The following SMIM12 variants were observed in gnomAD, a reference collection of about 807,000 sequenced individuals.
SMIM12 encodes small integral membrane protein 12.
SMIM12 carries 5 observed loss-of-function variants against 6.3 expected under a neutral mutation model. The ratio of observed to expected loss-of-function variants is 0.80; its 90% CI spans 0.42 to 1.68. SMIM12 has a LOEUF of 1.68. Among genes scored for constraint, SMIM12 ranks in the 40% most tolerant of loss-of-function variants. The pLI, the probability that SMIM12 is intolerant of heterozygous loss-of-function variation, is 0.02. For missense variants in SMIM12, 103 were observed against 121.4 expected (o/e 0.85, Z 0.71); for synonymous variants, 51 against 48.0 (o/e 1.06, Z -0.26).
At position 34,852,038 on chromosome 1, in the gene SMIM12, A is replaced by G. The variant is rs1033631610; in HGVS notation, c.*3661T>C. Among the ~76,000 whole-genome samples the G allele has an allele frequency of 1.3e-5, 2 of 152,214 alleles. No individual in the cohort carries two copies. Among genetic ancestry groups the G allele is most frequent in the Non-Finnish European group, 2.9e-5 (2 of 68,034 alleles). Reference sequence around the variant, plus strand: ...CCCGAGCAGAGGCAAGAGCACATATACTATCTTACAGCCACCGCAACGGCT... The same window carrying G: ...CCCGAGCAGAGGCAAGAGCACATATGCTATCTTACAGCCACCGCAACGGCT... On this transcript the variant is annotated 3_prime_UTR_variant, in exon 2 of 2. Transcript: ENST00000521580.
At chr1:34,858,509 T>C (rs1638722408) in intron 1 of SMIM12, 1 of 152,226 alleles carries the variant, frequency 6.6e-6, no homozygotes, top group Non-Finnish European at 1.5e-5. Context: ...TCTGAGATTG[T>C]ACTCAGGGAT....
intron 1 of SMIM12, chr1:34,858,625 T>C (rs1638725457): frequency 6.6e-6 from 1 of 152,210 alleles, no homozygotes; most frequent in South Asian, 2.1e-4. Context: ...GTCCTCTGTA[T>C]AAGTAAATGC....
intron 1 of SMIM12, among the ~76,000 whole-genome samples, chr1:34,856,925 T>G (rs1408782871): frequency 6.6e-6 from 1 of 152,038 alleles, no homozygotes; most frequent in Non-Finnish European, 1.5e-5. Context: ...CTATCTTGGC[T>G]AAAGACGGTG....
rs1313498178 is a variant in SMIM12 at position 34,850,575 on chromosome 1, T to G, written c.*5124A>C. ...TGTATTTGTATTTTATTATTCAGAC[T>G]GGCTGCCATCCCAACTAGATAAAGG... On this transcript the variant is annotated 3_prime_UTR_variant, in exon 2 of 2. Coordinates refer to ENST00000521580, the MANE Select transcript of SMIM12 (RefSeq NM_138428.6). 6.7e-6 allele frequency: 1 copy of G among 148,298 alleles called. No homozygotes were observed. Among genetic ancestry groups the G allele is most frequent in the African/African-American group, 2.4e-5 (1 of 41,174 alleles). The allele number at this position is 148,298 out of a possible 1,614,324, so 9.2% of individuals were successfully genotyped here. A position where few individuals can be genotyped will look rare whatever the true frequency, so the allele number is the denominator to read the frequency against.
Position 34,852,789 on chromosome 1 carries a change from T to C in SMIM12, c.*2910A>G, listed in dbSNP as rs1557677028. 1 of 152,340 alleles carries C rather than the reference T, an allele frequency of 6.6e-6. No homozygotes were observed. The highest frequency in any genetic ancestry group is 1.9e-4 in the East Asian group (1 of 5,146). The allele number at this position is 152,340 out of a possible 1,614,324, so 9.4% of individuals were successfully genotyped here. On this transcript the variant is annotated 3_prime_UTR_variant, in exon 2 of 2. Transcript: ENST00000521580. ...GTCACCACTGCCCCCTTTCGGCAGG[T>C]CTATACTTTCTGCCAGCGTGGTGGC... is the stretch of plus-strand genomic sequence containing the variant.
At position 34,852,232 on chromosome 1, in the gene SMIM12, G is replaced by C. The variant is rs1056692811; in HGVS notation, c.*3467C>G. Among the ~76,000 whole-genome samples the C allele has an allele frequency of 2.6e-5, 4 of 152,128 alleles. No homozygotes were observed. The highest frequency in any genetic ancestry group is 9.7e-5 in the African/African-American group (4 of 41,428). On this transcript the variant is annotated 3_prime_UTR_variant, in exon 2 of 2. Coordinates refer to ENST00000521580, the MANE Select transcript of SMIM12 (RefSeq NM_138428.6). ...GGAGCCACCTGGATTCCCAAAGATA[G>C]GGCTCTCTCGACCAGACACCAAGTG...
At position 34,855,689 on chromosome 1, in the gene SMIM12, G is replaced by A. The variant is rs370089432; in HGVS notation, c.*10C>T. 90 of 1,612,992 alleles carry A rather than the reference G, an allele frequency of 5.6e-5. No homozygotes were observed. Among genetic ancestry groups the A allele is most frequent in the Non-Finnish European group, 7.1e-5 (84 of 1,179,084 alleles). ...ACCCACAGTAGGACCATAGGGCCCT[G>A]TGTCCTCCATTAATTCTTCTCTGGG... On this transcript the variant is annotated 3_prime_UTR_variant, in exon 2 of 2. Transcript: ENST00000521580.
Position 34,852,809 on chromosome 1 carries a change from G to A in SMIM12, c.*2890C>T, listed in dbSNP as rs1001827638. 6.6e-6 allele frequency: 1 copy of A among 152,404 alleles called. No homozygotes were observed. The highest frequency in any genetic ancestry group is 2.4e-5 in the African/African-American group (1 of 41,414). 9.4% of individuals were successfully genotyped at this position (152,404 alleles called of 1,614,324 possible). A position where few individuals can be genotyped will look rare whatever the true frequency, so the allele number is the denominator to read the frequency against. Reference sequence around the variant, plus strand: ...GCAGGTCTATACTTTCTGCCAGCGTGGTGGCTCATTTGTCACCTGACCTCT... The same window carrying A: ...GCAGGTCTATACTTTCTGCCAGCGTAGTGGCTCATTTGTCACCTGACCTCT... On this transcript the variant is annotated 3_prime_UTR_variant, in exon 2 of 2. Coordinates refer to ENST00000521580, the MANE Select transcript of SMIM12 (RefSeq NM_138428.6).
chr1:34,851,198 G>C lies in SMIM12; in HGVS notation c.*4501C>G, dbSNP rs1640921840. 6.6e-6 allele frequency: 1 copy of C among 151,894 alleles called. No homozygotes were observed. Among genetic ancestry groups the C allele is most frequent in the Middle Eastern group, 3.2e-3 (1 of 316 alleles). 9.4% of individuals were successfully genotyped at this position (151,894 alleles called of 1,614,324 possible). Reference sequence around the variant, plus strand: ...AAGTTTTAGCACAGTCTGTGACAATGTATATAAAGTTCTTAGCGTACTATG... The same window carrying C: ...AAGTTTTAGCACAGTCTGTGACAATCTATATAAAGTTCTTAGCGTACTATG... On this transcript the variant is annotated 3_prime_UTR_variant, in exon 2 of 2. Coordinates refer to ENST00000521580, the MANE Select transcript of SMIM12 (RefSeq NM_138428.6).
rs1638608758 is a variant in SMIM12 at position 34,855,384 on chromosome 1, CA to C, written c.*314del. On this transcript the variant is annotated 3_prime_UTR_variant, in exon 2 of 2. Coordinates refer to ENST00000521580, the MANE Select transcript of SMIM12 (RefSeq NM_138428.6). ...AATCCCAGCCATTCCCACTAGAGGC[CA>C]AACCGCCTGCCCACAGAGATTGACA... 1 of 1,477,522 alleles carries C rather than the reference CA, an allele frequency of 6.8e-7. No homozygotes were observed. The highest frequency in any genetic ancestry group is 9.1e-7 in the Non-Finnish European group (1 of 1,093,172). The allele number at this position is 1,477,522 out of a possible 1,614,324, so 91.5% of individuals were successfully genotyped here. A position where few individuals can be genotyped will look rare whatever the true frequency, so the allele number is the denominator to read the frequency against.
rs1638614020 is a variant in SMIM12, at chr1:34,855,443, A to C, written c.*256T>G. The C allele has an allele frequency of 7.0e-6, 11 of 1,574,954 alleles. No homozygotes were observed. Among genetic ancestry groups the C allele is most frequent in the Non-Finnish European group, 9.5e-6 (11 of 1,155,128 alleles). On this transcript the variant is annotated 3_prime_UTR_variant, in exon 2 of 2. Coordinates refer to ENST00000521580, the MANE Select transcript of SMIM12 (RefSeq NM_138428.6). ...TTCATCTCATAACTCTCCTCCCAGCAGTGCACCAGTAAACTCAGATGCCTG... is the reference window on the plus strand; with the variant it reads ...TTCATCTCATAACTCTCCTCCCAGCCGTGCACCAGTAAACTCAGATGCCTG...
intron 1 of SMIM12, chr1:34,858,297 C>G (rs1165370328): frequency 6.6e-6 from 1 of 152,122 alleles, no homozygotes; most frequent in East Asian, 1.9e-4. Flanking sequence ...GTTAACTTAT[C>G]CAAGATCACT....
Position 34,855,806 on chromosome 1 carries a change from G to A in SMIM12, c.172C>T (p.Leu58=), listed in dbSNP as rs1336573458. Residue 58 remains leucine, a synonymous_variant, in exon 2 of 2, where the codon CTG becomes TTG. Coordinates refer to ENST00000521580, the MANE Select transcript of SMIM12 (RefSeq NM_138428.6). ...SISERREDRK[L]DELLGKDHTQ... is the part of the protein sequence containing the mutation. The stretch of plus-strand genomic sequence containing the variant: ...TGGTCCTTGCCTAGAAGCTCATCCA[G>A]CTTGCGATCCTCCCGGCGCTCTGAG... 1 of 1,554,486 alleles carries A rather than the reference G, an allele frequency of 6.4e-7. No homozygotes were observed. The highest frequency in any genetic ancestry group is 2.0e-5 in the Admixed American group (1 of 51,112).
At chr1:34,859,367 G>A (rs1180219843) in intron 1 of SMIM12, 2 of 152,328 alleles carry the variant, frequency 1.3e-5, no homozygotes, top group East Asian at 1.9e-4. Flanking sequence ...CGCAGTCCAG[G>A]AATGGGAGCG....
chr1:34,853,191 C>T lies in SMIM12; in HGVS notation c.*2508G>A, dbSNP rs1393561270. 6 of 152,510 alleles carry T rather than the reference C, an allele frequency of 3.9e-5. No individual in the cohort carries two copies. The highest frequency in any genetic ancestry group is 1.2e-4 in the African/African-American group (5 of 41,460). 9.4% of individuals were successfully genotyped at this position (152,510 alleles called of 1,614,324 possible). ...CCCCTCTAACTGTTCAGGAACTCCACCCTCACCCACCTGTGGACACCATCA... is the reference window on the plus strand; with the variant it reads ...CCCCTCTAACTGTTCAGGAACTCCATCCTCACCCACCTGTGGACACCATCA... On this transcript the variant is annotated 3_prime_UTR_variant, in exon 2 of 2. Coordinates refer to ENST00000521580, the MANE Select transcript of SMIM12 (RefSeq NM_138428.6).
Position 34,855,798 on chromosome 1 carries a change from C to T in SMIM12, c.180G>A (p.Glu60=). The change falls in exon 2 of 2, where the codon GAG becomes GAA. Residue 60 remains glutamate, a synonymous_variant. Coordinates refer to ENST00000521580, the MANE Select transcript of SMIM12 (RefSeq NM_138428.6). ...CCTGCGTGTGGTCCTTGCCTAGAAGCTCATCCAGCTTGCGATCCTCCCGGC... is the reference window on the plus strand; with the variant it reads ...CCTGCGTGTGGTCCTTGCCTAGAAGTTCATCCAGCTTGCGATCCTCCCGGC... ...SERREDRKLD[E]LLGKDHTQVV... 3 of 1,556,612 alleles carry T rather than the reference C, an allele frequency of 1.9e-6. No individual in the cohort carries two copies. Among genetic ancestry groups the T allele is most frequent in the Non-Finnish European group, 2.6e-6 (3 of 1,149,626 alleles).
chr1:34,857,260 T>C (rs897035383), intron 1 of SMIM12: 1 of 3,426 alleles, frequency 2.9e-4, no homozygotes, highest in African/African-American at 1.1e-3. Flanking sequence ...TGGGGTGGGG[T>C]GGGGCGGGGA....
intron 1 of SMIM12, chr1:34,858,318 G>C (rs779663677): frequency 6.6e-6 from 1 of 152,014 alleles, no homozygotes. Flanking sequence ...AGAAGTGATA[G>C]AGCCACTGAT....
At chr1:34,856,718 A>G (rs938374800) in intron 1 of SMIM12, 1 of 152,376 alleles carries the variant, frequency 6.6e-6, no homozygotes. Context: ...TGGTTTCACA[A>G]TATGAAAAGT....
Sources: gnomAD v4.1 joint callset for allele counts (sites outside exome capture counted in the v4.1 genomes callset) on GRCh38, gnomAD v4.1.1 for gene constraint, MANE v1.5 for transcripts, NCBI Gene and HGNC (gene_info 2026-07-23, HGNC 2026-07-21) for gene names.